LHX8: variants seen among roughly 807,000 people sequenced by gnomAD.
LHX8 encodes the protein LIM/homeobox protein Lhx8.
In LHX8, 12 loss-of-function variants were observed where a neutral mutation model predicts 40.3. The ratio of observed to expected loss-of-function variants is 0.30; its 90% CI spans 0.19 to 0.48. The LOEUF is 0.48. Among genes scored for constraint, LHX8 ranks in the 20% least tolerant of loss-of-function variants. LHX8 has a pLI of 0.99. For synonymous variants in LHX8, 179 were observed against 162.0 expected, an observed-to-expected ratio of 1.10 and a Z score of -0.80; for missense variants, 344 against 433.7, an observed-to-expected ratio of 0.79 and a Z score of 1.84.
the LHX8 span, among the ~76,000 whole-genome samples, chr1:75,196,068 C>G: frequency 2.6e-5 from 4 of 152,152 alleles, no homozygotes; most frequent in Non-Finnish European, 5.9e-5. Flanking sequence ...AAGCAATGGA[C>G]AGTGACAATA....
At chr1:75,179,020 G>A in the LHX8 span, among the ~76,000 whole-genome samples, 1 of 152,182 alleles carries the variant, frequency 6.6e-6, no homozygotes, top group East Asian at 1.9e-4. Flanking sequence ...TAATTTGATT[G>A]CAGTGTGGTC....
chr1:75,148,998 G>A (rs1487146550), intron 7 of LHX8, among the ~76,000 whole-genome samples: 1 of 152,280 alleles, frequency 6.6e-6, no homozygotes, highest in East Asian at 1.9e-4. Context: ...TTTTTAAAAT[G>A]TAATGATTAT....
At chr1:75,170,927 G>A in the LHX8 span, among the ~76,000 whole-genome samples, 4 of 152,126 alleles carry the variant, frequency 2.6e-5, no homozygotes, top group African/African-American at 7.2e-5. Flanking sequence ...CAACATTGCC[G>A]CATGGTATAT....
chr1:75,160,915 C>A lies in LHX8; in HGVS notation c.*20C>A. 6.5e-7 allele frequency: 1 copy of A among 1,529,228 alleles called. No individual in the cohort carries two copies. The highest frequency in any genetic ancestry group is 9.1e-7 in the Non-Finnish European group (1 of 1,102,754). 94.7% of individuals were successfully genotyped at this position (1,529,228 alleles called of 1,614,324 possible). Reference sequence around the variant, plus strand: ...ACCTAATTCTTTTTTCAGGGATAGACTTGATTAAGGATATAAATTTGTCAT... The same window carrying A: ...ACCTAATTCTTTTTTCAGGGATAGAATTGATTAAGGATATAAATTTGTCAT... On this transcript the variant is annotated 3_prime_UTR_variant, in exon 9 of 9. Transcript: ENST00000356261.
chr1:75,134,251 G>A (rs746058786), upstream of LHX8, among the ~76,000 whole-genome samples: 4 of 151,796 alleles, frequency 2.6e-5, no homozygotes, highest in Non-Finnish European at 4.4e-5. Context: ...GAGAAGGCGG[G>A]TTTTCCTGAA....
chr1:75,128,933 C>T (rs1647894144), intron 1 of LHX8, among the ~76,000 whole-genome samples: 1 of 152,106 alleles, frequency 6.6e-6, no homozygotes, highest in Non-Finnish European at 1.5e-5. Context: ...CCTCTGAACC[C>T]CTAGAAGTGG....
intron 7 of LHX8, among the ~76,000 whole-genome samples, chr1:75,155,466 C>T (rs1381839553): frequency 6.6e-6 from 1 of 152,032 alleles, no homozygotes; most frequent in African/African-American, 2.4e-5. Context: ...GATCTCCTGA[C>T]CTTGTGATTC....
chr1:75,196,074 C>T, the LHX8 span, among the ~76,000 whole-genome samples: 1 of 152,098 alleles, frequency 6.6e-6, no homozygotes, highest in Non-Finnish European at 1.5e-5. Flanking sequence ...TGGACAGTGA[C>T]AATATACTTT....
chr1:75,162,998 G>A (rs2100369856), downstream of LHX8, among the ~76,000 whole-genome samples: 1 of 146,002 alleles, frequency 6.8e-6, no homozygotes, highest in African/African-American at 2.5e-5. Context: ...ACATTCATGA[G>A]CTGTGAGAGG....
intron 4 of LHX8, among the ~76,000 whole-genome samples, chr1:75,141,795 T>C (rs1300460574): frequency 3.3e-5 from 5 of 152,114 alleles, no homozygotes; most frequent in African/African-American, 9.6e-5. Flanking sequence ...AGAATGACTT[T>C]TAAAAATTAC....
At chr1:75,128,886 C>T (rs1311149774) in intron 1 of LHX8, among the ~76,000 whole-genome samples, 1 of 152,174 alleles carries the variant, frequency 6.6e-6, no homozygotes, top group Non-Finnish European at 1.5e-5. Flanking sequence ...ATCTCTGGAG[C>T]CTCTGCAGCC....
chr1:75,157,630 G>A (rs1459371091), intron 8 of LHX8, among the ~76,000 whole-genome samples: 1 of 152,112 alleles, frequency 6.6e-6, no homozygotes, highest in Non-Finnish European at 1.5e-5. Context: ...AAGTAACATG[G>A]CACTGATTTC....
chr1:75,154,913 G>A (rs1648713139), intron 7 of LHX8, among the ~76,000 whole-genome samples: 1 of 152,160 alleles, frequency 6.6e-6, no homozygotes, highest in Non-Finnish European at 1.5e-5. Flanking sequence ...TCACTCTTGA[G>A]AGTATACTTT....
At chr1:75,153,931 A>G (rs932143030) in intron 7 of LHX8, among the ~76,000 whole-genome samples, 31 of 152,248 alleles carry the variant, frequency 2.0e-4, no homozygotes, top group African/African-American at 7.5e-4. Context: ...ATAAAATCCC[A>G]TCTTTGTCAT....
the LHX8 span, among the ~76,000 whole-genome samples, chr1:75,174,195 C>T: frequency 6.6e-6 from 1 of 152,042 alleles, no homozygotes; most frequent in Non-Finnish European, 1.5e-5. Flanking sequence ...GGCTCTTGTG[C>T]CAAAAGAATG....
upstream of LHX8, chr1:75,130,382 T>G: frequency 2.2e-6 from 1 of 464,924 alleles, no homozygotes; most frequent in Non-Finnish European, 3.9e-6. Flanking sequence ...TTGAAACAAC[T>G]GGCCCCAGCT....
the LHX8 span, among the ~76,000 whole-genome samples, chr1:75,186,810 T>C: frequency 2.0e-5 from 3 of 152,134 alleles, no homozygotes; most frequent in Non-Finnish European, 4.4e-5. Flanking sequence ...AAAACAATAC[T>C]ACCAGACAAC....
At chr1:75,190,052 A>G in the LHX8 span, among the ~76,000 whole-genome samples, 1 of 152,182 alleles carries the variant, frequency 6.6e-6, no homozygotes, top group Non-Finnish European at 1.5e-5. Context: ...TTATAAATAT[A>G]TTATTGTAAC....
chr1:75,168,223 T>G, the LHX8 span, among the ~76,000 whole-genome samples: 1 of 152,146 alleles, frequency 6.6e-6, no homozygotes, highest in Admixed American at 6.5e-5. Flanking sequence ...CATAGTTTTC[T>G]GTTTGTTTGT....
Sources: allele counts gnomAD v4.1 joint callset (sites outside exome capture counted in the v4.1 genomes callset), GRCh38; gene constraint gnomAD v4.1.1; transcripts MANE v1.5; gene names NCBI Gene and HGNC (gene_info 2026-07-23, HGNC 2026-07-21).